The following TIA1 variants were observed in gnomAD, a reference collection of about 807,000 sequenced individuals.
The protein encoded by TIA1 is TIA1 cytotoxic granule associated RNA binding protein, also known as cytotoxic granule associated RNA binding protein TIA1.
Under a neutral mutation model 65.9 loss-of-function variants are expected in TIA1, and 23 were observed. The observed-to-expected ratio is 0.35, with a 90% CI of 0.25 to 0.49. TIA1 has a LOEUF of 0.49. TIA1 is among the 20% of genes least tolerant of loss of function. TIA1 has a pLI of 0.98. For synonymous variants in TIA1, 147 were observed against 149.4 expected (o/e 0.98, Z 0.12); for missense variants, 371 against 477.9 (o/e 0.78, Z 2.09).
chr2:70,224,422 A>C (rs1682918049), intron 7 of TIA1, 132 bp downstream of exon 7: 2 of 1,278,040 alleles, frequency 1.6e-6, no homozygotes, highest in African/African-American at 3.0e-5. Flanking sequence ...AAACAGAAGA[A>C]ATCTTCTAGT....
At chr2:70,231,280 C>T (rs1036340242) in intron 2 of TIA1, among the ~76,000 whole-genome samples, 28 of 151,982 alleles carry the variant, frequency 1.8e-4, no homozygotes, top group African/African-American at 4.3e-4. Flanking sequence ...CCAGCCTGGG[C>T]GACAGAGCAA....
chr2:70,216,279 A>G lies in TIA1; in HGVS notation c.693T>C (p.Arg231=). The G allele has an allele frequency of 6.3e-7, 1 of 1,594,278 alleles. No homozygotes were observed. The highest frequency in any genetic ancestry group is 8.5e-7 in the Non-Finnish European group (1 of 1,174,758). ...VTSGLTEQLM[R]QTFSPFGQIM... ...TTTGTCCAAATGGTGAAAAAGTCTG[A>G]CGCATTAGTTGTTCTGTTAGACAAA... Residue 231 remains arginine (R), a synonymous_variant, in exon 10 of 13, where the codon CGT becomes CGC. Transcript: ENST00000433529.
intron 3 of TIA1, among the ~76,000 whole-genome samples, chr2:70,229,958 C>T (rs186326714): frequency 6.7e-6 from 1 of 148,536 alleles, no homozygotes; most frequent in East Asian, 2.0e-4. Context: ...AACAAAAAAA[C>T]CTGGGGACGG....
At chr2:70,236,874 T>A (rs1405417350) in intron 1 of TIA1, among the ~76,000 whole-genome samples, 1 of 152,190 alleles carries the variant, frequency 6.6e-6, no homozygotes, top group Non-Finnish European at 1.5e-5. Context: ...GCGATCTGCC[T>A]GCCTTGGCCT....
At chr2:70,238,498 T>G (rs1023006918) in intron 1 of TIA1, among the ~76,000 whole-genome samples, 1 of 151,810 alleles carries the variant, frequency 6.6e-6, no homozygotes, top group Non-Finnish European at 1.5e-5. Context: ...GTACCCCCAA[T>G]TTTTAAATTA....
At chr2:70,228,160 CTAATAA>C in intron 5 of TIA1, among the ~76,000 whole-genome samples, 1 of 152,244 alleles carries the variant, frequency 6.6e-6, no homozygotes, top group South Asian at 2.1e-4. Context: ...AGTTACCATT[CTAATAA>C]TAATTATTTA....
At chr2:70,221,749 A>G (rs1387346753) in intron 7 of TIA1, among the ~76,000 whole-genome samples, 4 of 152,098 alleles carry the variant, frequency 2.6e-5, no homozygotes, top group Non-Finnish European at 5.9e-5. Flanking sequence ...TAGTTGCACA[A>G]TTCTGTGAAT....
intron 1 of TIA1, among the ~76,000 whole-genome samples, chr2:70,236,837 G>A (rs539418694): frequency 1.3e-5 from 2 of 151,896 alleles, no homozygotes; most frequent in Non-Finnish European, 2.9e-5. Context: ...CCATGTTGCT[G>A]AGCTGGTCTC....
chr2:70,230,200 G>A (rs1294819056), intron 3 of TIA1, among the ~76,000 whole-genome samples: 51 of 147,600 alleles, frequency 3.5e-4, no homozygotes, highest in African/African-American at 1.1e-3. Context: ...CTGAGATCGC[G>A]CCGCTGCACT....
At chr2:70,230,971 AGAAT>A in intron 2 of TIA1, 117 bp from the exon 3 acceptor site, 1 of 675,578 alleles carries the variant, frequency 1.5e-6, no homozygotes, top group Admixed American at 3.2e-5. Context: ...CAGGCCATGG[AGAAT>A]GAATGGTCTA....
In TIA1 at chr2:70,248,462, C is replaced by T; in HGVS notation, c.-32G>A. 6.2e-7 allele frequency: 1 copy of T among 1,600,840 alleles called. No individual in the cohort carries two copies. Among genetic ancestry groups the T allele is most frequent in the Non-Finnish European group, 8.5e-7 (1 of 1,179,964 alleles). ...TGCTGTCGCGGCGGCGCCTCCAGGT[C>T]CAGCTCCCTGCCCTTCACTACCTCC... On this transcript the variant is annotated 5_prime_UTR_variant, in exon 1 of 13. Coordinates refer to ENST00000433529, the MANE Select transcript of TIA1 (RefSeq NM_022173.4).
At position 70,210,650 on chromosome 2, in the gene TIA1, A is replaced by G. The variant is rs1189568339; in HGVS notation, c.*2069T>C. The G allele has an allele frequency of 6.6e-6, 1 of 152,238 alleles. No homozygotes were observed. Among genetic ancestry groups the G allele is most frequent in the Admixed American group, 6.5e-5 (1 of 15,288 alleles). 9.4% of individuals were successfully genotyped at this position (152,238 alleles called of 1,614,324 possible). On this transcript the variant is annotated 3_prime_UTR_variant, in exon 13 of 13. Coordinates refer to ENST00000433529, the MANE Select transcript of TIA1 (RefSeq NM_022173.4). ...GCCCAAATAATTTACCCTGCAGTCCATGAGATGCACAGGAAATAATTTTTT... is the reference window on the plus strand; with the variant it reads ...GCCCAAATAATTTACCCTGCAGTCCGTGAGATGCACAGGAAATAATTTTTT...
intron 7 of TIA1, among the ~76,000 whole-genome samples, chr2:70,223,154 A>C (rs78131191): frequency 0.049 from 7,529 of 152,232 alleles, 292 homozygotes; most frequent in Non-Finnish European, 0.072. Flanking sequence ...CCGCCAATTT[A>C]TTTCCCTAAC....
intron 10 of TIA1, chr2:70,215,992 T>C (rs1021372063): frequency 2.0e-6 from 1 of 503,854 alleles, no homozygotes; most frequent in Non-Finnish European, 3.4e-6. Flanking sequence ...ATGACGGTGA[T>C]CCACCCGTCT....
intron 1 of TIA1, among the ~76,000 whole-genome samples, chr2:70,242,074 T>G (rs1278828553): frequency 6.6e-6 from 1 of 152,132 alleles, no homozygotes; most frequent in African/African-American, 2.4e-5. Context: ...TTTCTTAATT[T>G]TGATAATTAT....
chr2:70,229,165 C>T (rs1353398055), intron 4 of TIA1, 74 bp from the exon 5 acceptor site: 1 of 1,601,616 alleles, frequency 6.2e-7, no homozygotes, highest in Admixed American at 1.7e-5. Flanking sequence ...GGATAACGAT[C>T]AAAACATTAC....
Position 70,209,591 on chromosome 2 carries a change from C to T in TIA1, c.*3128G>A, listed in dbSNP as rs372005458. 8.3e-5 allele frequency: 33 copies of T among 398,278 alleles called. No homozygotes were observed. Among genetic ancestry groups the T allele is most frequent in the African/African-American group, 6.4e-4 (31 of 48,700 alleles). The allele number at this position is 398,278 out of a possible 1,614,324, so 24.7% of individuals were successfully genotyped here. A position where few individuals can be genotyped will look rare whatever the true frequency, so the allele number is the denominator to read the frequency against. Reference sequence around the variant, plus strand: ...CCTCCTATAAAGAAACGATTGGGGACTATCATTTTTGTGATTTAACAACAG... The same window carrying T: ...CCTCCTATAAAGAAACGATTGGGGATTATCATTTTTGTGATTTAACAACAG... On this transcript the variant is annotated 3_prime_UTR_variant, in exon 13 of 13. Transcript: ENST00000433529.
At chr2:70,221,196 G>A (rs1260145644) in intron 7 of TIA1, among the ~76,000 whole-genome samples, 5 of 151,918 alleles carry the variant, frequency 3.3e-5, no homozygotes, top group Admixed American at 2.6e-4. Context: ...TAGTAGAGAC[G>A]GGGTTTCACC....
At chr2:70,226,248 C>A (rs1048295528) in intron 6 of TIA1, among the ~76,000 whole-genome samples, 1 of 151,826 alleles carries the variant, frequency 6.6e-6, no homozygotes, top group South Asian at 2.1e-4. Context: ...AAAATATAAC[C>A]CACGATTTGT....
Sources: gnomAD v4.1 joint callset for allele counts (sites outside exome capture counted in the v4.1 genomes callset) on GRCh38, gnomAD v4.1.1 for gene constraint, MANE v1.5 for transcripts, NCBI Gene and HGNC (gene_info 2026-07-23, HGNC 2026-07-21) for gene names.